ORC2: variants seen among roughly 807,000 people sequenced by gnomAD.
ORC2 encodes the protein origin recognition complex protein 2 homolog.
Under a neutral mutation model 77.7 loss-of-function variants are expected in ORC2, and 37 were observed. The ratio of observed to expected loss-of-function variants is 0.48; its 90% CI spans 0.37 to 0.63. The LOEUF is 0.63. ORC2 is among the 20% of genes least tolerant of loss of function. The probability of loss-of-function intolerance (pLI) is 0.00; values close to 1 mark genes in which losing one functional copy is unlikely to be tolerated. For synonymous variants in ORC2, 201 were observed against 229.5 expected (o/e 0.88, Z 1.12); for missense variants, 557 against 661.9 (o/e 0.84, Z 1.74).
In ORC2 at chr2:200,941,276, T is replaced by C; in HGVS notation, c.425A>G (p.His142Arg). ...CGGTTGAACCTTGTCTGAAGCAGAA[T>C]GGCCTAAAGAATGAAACAAAAAGCC... ...TINVPQSSKG[H>R]SASDKVQPKN... The change falls in exon 7 of 18, where the codon CAT (histidine) becomes CGT (arginine). Residue 142 changes from histidine (H) to arginine (R), a missense_variant. Physicochemically the swap from His to Arg is conservative, Grantham distance 29 (BLOSUM62 0). Coordinates refer to ENST00000234296, the MANE Select transcript of ORC2 (RefSeq NM_006190.5). 6.2e-7 allele frequency: 1 copy of C among 1,609,986 alleles called. No individual in the cohort carries two copies.
intron 5 of ORC2, among the ~76,000 whole-genome samples, chr2:200,944,138 G>T (rs868201651): frequency 6.6e-6 from 1 of 152,112 alleles, no homozygotes; most frequent in Non-Finnish European, 1.5e-5. Context: ...AGGGAGAAAA[G>T]AATAAAAAGG....
rs1166708181 is a variant in ORC2 at position 200,913,346 on chromosome 2, G to A, written c.1596C>T (p.Leu532=). ...EAFLVNSDLT[L]RAQLTEFRDH... ...CCCTAAATTCAGTTAACTGGGCCCG[G>A]AGTGTCAGATCACTATTGACGAGGA... is the stretch of plus-strand genomic sequence containing the variant. The change falls in exon 17 of 18, where the codon CTC becomes CTT. Residue 532 remains leucine, a synonymous_variant. Coordinates refer to ENST00000234296, the MANE Select transcript of ORC2 (RefSeq NM_006190.5). 1 of 1,601,944 alleles carries A rather than the reference G, an allele frequency of 6.2e-7. No individual in the cohort carries two copies. The highest frequency in any genetic ancestry group is 1.7e-5 in the Admixed American group (1 of 59,726).
intron 15 of ORC2, among the ~76,000 whole-genome samples, chr2:200,918,515 G>C (rs148482751): frequency 1.7e-3 from 253 of 149,310 alleles, no homozygotes; most frequent in African/African-American, 6.0e-3. Flanking sequence ...TTGAGACAGA[G>C]GCTCACTCTG....
At chr2:200,954,193 C>T (rs2041420947) in intron 4 of ORC2, among the ~76,000 whole-genome samples, 1 of 151,962 alleles carries the variant, frequency 6.6e-6, no homozygotes, top group African/African-American at 2.4e-5. Context: ...CCACCACGCC[C>T]AGCTAATTTT....
intron 4 of ORC2, among the ~76,000 whole-genome samples, chr2:200,953,096 G>C (rs1237659550): frequency 1.5e-5 from 2 of 137,738 alleles, no homozygotes; most frequent in Non-Finnish European, 3.1e-5. Context: ...CTAGGTGACA[G>C]AGTGAGACCC....
intron 4 of ORC2, among the ~76,000 whole-genome samples, chr2:200,954,519 T>C (rs776331683): frequency 1.1e-4 from 17 of 152,216 alleles, no homozygotes; most frequent in Non-Finnish European, 2.4e-4. Flanking sequence ...TGCAAGCTTA[T>C]GTGTGCCCAT....
At chr2:200,958,415 A>G (rs1248572679) in intron 2 of ORC2, among the ~76,000 whole-genome samples, 1 of 152,230 alleles carries the variant, frequency 6.6e-6, no homozygotes, top group Admixed American at 6.5e-5. Flanking sequence ...AAATATTCTC[A>G]GAAAAACAAT....
intron 4 of ORC2, among the ~76,000 whole-genome samples, chr2:200,950,095 G>C (rs367996716): frequency 2.0e-5 from 3 of 152,144 alleles, no homozygotes; most frequent in Non-Finnish European, 4.4e-5. Context: ...CACTTTGGGA[G>C]GCTGAGCCAG....
intron 17 of ORC2, among the ~76,000 whole-genome samples, 172 bp from the exon 18 acceptor site, chr2:200,911,559 T>C (rs1173910722): frequency 2.0e-5 from 3 of 152,210 alleles, no homozygotes; most frequent in African/African-American, 4.8e-5. Context: ...TATGGAGTTA[T>C]AGTTAAACAT....
chr2:200,937,689 A>C (rs1436413447), intron 8 of ORC2, among the ~76,000 whole-genome samples: 3 of 152,190 alleles, frequency 2.0e-5, no homozygotes, highest in Non-Finnish European at 4.4e-5. Context: ...ACTGTCTCAA[A>C]ACAATTAAAA....
intron 1 of ORC2, among the ~76,000 whole-genome samples, chr2:200,960,404 T>C (rs372481404): frequency 5.9e-5 from 9 of 152,176 alleles, no homozygotes; most frequent in African/African-American, 9.7e-5. Context: ...CTTATGACCA[T>C]TGCTTGTAAA....
intron 10 of ORC2, 64 bp downstream of exon 10, chr2:200,933,812 T>A (rs774045881): frequency 2.8e-5 from 22 of 797,340 alleles, no homozygotes; most frequent in Non-Finnish European, 4.2e-5. Context: ...AATCTGTTGC[T>A]TACGTAGCAT....
intron 15 of ORC2, among the ~76,000 whole-genome samples, chr2:200,914,365 A>G (rs1265208085): frequency 6.6e-6 from 1 of 151,688 alleles, no homozygotes; most frequent in Non-Finnish European, 1.5e-5. Context: ...ATGGGGTTTC[A>G]CCGTGTTAGC....
At chr2:200,954,904 G>GAATAAATAAATAAATAAATAAATA (rs66473778) in intron 4 of ORC2, among the ~76,000 whole-genome samples, 4 of 144,628 alleles carry the variant, frequency 2.8e-5, no homozygotes, top group Admixed American at 6.9e-5. Flanking sequence ...ATGAATGAAT[G>GAATAAATAAATAAATAAATAAATA]AATAAATAAA....
chr2:200,914,467 G>A (rs976262782), intron 15 of ORC2, among the ~76,000 whole-genome samples: 2 of 152,024 alleles, frequency 1.3e-5, no homozygotes, highest in East Asian at 3.9e-4. Flanking sequence ...TACCCGGCCC[G>A]CTTTTTTATT....
intron 11 of ORC2, among the ~76,000 whole-genome samples, chr2:200,930,867 A>G (rs963691628): frequency 1.3e-5 from 2 of 152,220 alleles, no homozygotes; most frequent in African/African-American, 4.8e-5. Flanking sequence ...CTAGGAAATA[A>G]TGTTAAAATA....
At chr2:200,926,581 A>G (rs954296996) in intron 12 of ORC2, among the ~76,000 whole-genome samples, 187 bp downstream of exon 12, 3 of 152,226 alleles carry the variant, frequency 2.0e-5, no homozygotes, top group African/African-American at 7.2e-5. Context: ...GTCAGTTACA[A>G]TGTAGGACAT....
chr2:200,918,604 T>C (rs2040700560), intron 15 of ORC2, among the ~76,000 whole-genome samples: 1 of 150,686 alleles, frequency 6.6e-6, no homozygotes, highest in Non-Finnish European at 1.5e-5. Context: ...TTCTCCCACT[T>C]CAGCCTCCCA....
intron 8 of ORC2, 124 bp downstream of exon 8, chr2:200,937,782 G>T: frequency 1.5e-6 from 1 of 663,230 alleles, no homozygotes; most frequent in Non-Finnish European, 2.7e-6. Context: ...GCTAAGTGTT[G>T]CAACTAAAAG....
Sources: allele counts gnomAD v4.1 joint callset (sites outside exome capture counted in the v4.1 genomes callset), GRCh38; gene constraint gnomAD v4.1.1; transcripts MANE v1.5; gene names NCBI Gene and HGNC (gene_info 2026-07-23, HGNC 2026-07-21).